Variants in DHX57 observed in about 807,000 individuals in gnomAD.
DHX57 encodes putative ATP-dependent RNA helicase DHX57.
In DHX57, 105 loss-of-function variants were observed where a neutral mutation model predicts 156.2. The observed-to-expected ratio is 0.67, with a 90% CI of 0.57 to 0.79. The LOEUF (loss-of-function observed/expected upper bound fraction) is 0.79. DHX57 is among the 30% of genes least tolerant of loss of function. The probability of loss-of-function intolerance (pLI) is 0.00; values close to 1 mark genes in which losing one functional copy is unlikely to be tolerated. For synonymous variants in DHX57, 704 were observed against 595.6 expected (o/e 1.18, Z -2.65); for missense variants, 1,847 against 1,661.9 (o/e 1.11, Z -1.94).
intron 1 of DHX57, among the ~76,000 whole-genome samples, chr2:38,869,401 T>G (rs1217847309): frequency 6.6e-6 from 1 of 152,336 alleles, no homozygotes; most frequent in Non-Finnish European, 1.5e-5. Flanking sequence ...GTTGGCCAAC[T>G]AGTTTGCAGG....
rs533445469 is a variant in DHX57, at chr2:38,820,588, ATCATT to A, written c.3292-1449_3292-1445del. Among the ~76,000 whole-genome samples, 6 of 152,248 alleles carry A rather than the reference ATCATT, an allele frequency of 3.9e-5. No individual in the cohort carries two copies. The South Asian group carries it at 1.2e-3, about 32-fold the overall frequency. ...GTCACCTCTTCTGGTCCTTGGTTTT[ATCATT>A]TCTTTTTTTCTTTTTTTAAAGAGTA... On this transcript the variant is annotated intron_variant, in intron 17 of 23. Coordinates refer to ENST00000457308, the MANE Select transcript of DHX57 (RefSeq NM_198963.3).
intron 4 of DHX57, 138 bp downstream of exon 4, chr2:38,862,007 A>C: frequency 8.1e-7 from 1 of 1,230,802 alleles, no homozygotes; most frequent in Non-Finnish European, 1.1e-6. Context: ...ACCCCTTCTG[A>C]TAAGATAGAA....
At chr2:38,848,125 G>T in intron 10 of DHX57, 144 bp downstream of exon 10, 1 of 892,350 alleles carries the variant, frequency 1.1e-6, no homozygotes, top group Non-Finnish European at 1.6e-6. Context: ...CTCCTTATCA[G>T]CTGCATTATA....
rs745433861 is a variant in DHX57 at position 38,806,662 on chromosome 2, GTCT to G, written c.3710_3712del (p.Lys1237del). 1.9e-6 allele frequency: 3 copies of G among 1,613,956 alleles called. No homozygotes were observed. The highest frequency in any genetic ancestry group is 1.1e-5 in the South Asian group (1 of 91,042). On this transcript the variant is annotated inframe_deletion, in exon 22 of 24. Transcript: ENST00000457308. Reference sequence around the variant, plus strand: ...TTGCATTCTGACAGCTCCAGTACTGGTCTTCTGAAATTTTCCTTCTGGGCTTTT... The same window carrying G: ...TTGCATTCTGACAGCTCCAGTACTGGTCTGAAATTTTCCTTCTGGGCTTTT...
At chr2:38,798,490 A>G (rs1530852) in intron 23 of DHX57, 48 bp from the exon 24 acceptor site, 961,882 of 1,554,700 alleles carry the variant, frequency 0.62, 302,077 homozygotes, top group East Asian at 0.82. Flanking sequence ...AACAGGCAGG[A>G]TAGGTTATTG....
Position 38,843,142 on chromosome 2 carries a change from G to C in DHX57, c.2288C>G (p.Ala763Gly). ...MKQISKEKLK[A>G]RRNRTAFEEV... is the part of the protein sequence containing the mutation. ...TTCAAATGCAGTTCTGTTCCGCCTTGCTTTAAGCTTTTCCTTTGAAATCTG... is the reference window on the plus strand; with the variant it reads ...TTCAAATGCAGTTCTGTTCCGCCTTCCTTTAAGCTTTTCCTTTGAAATCTG... The change falls in exon 12 of 24, where the codon GCA (alanine) becomes GGA (glycine). Residue 763 changes from alanine (A) to glycine (G), a missense_variant. Physicochemically the swap from Ala to Gly is moderately conservative, Grantham distance 60. Transcript: ENST00000457308. 6.2e-7 allele frequency: 1 copy of C among 1,614,142 alleles called. No homozygotes were observed. The highest frequency in any genetic ancestry group is 8.5e-7 in the Non-Finnish European group (1 of 1,180,024).
At chr2:38,864,739 A>G (rs1442608033) in intron 2 of DHX57, among the ~76,000 whole-genome samples, 1 of 152,028 alleles carries the variant, frequency 6.6e-6, no homozygotes, top group Non-Finnish European at 1.5e-5. Flanking sequence ...CTACTGACCC[A>G]TCTCTCCTCC....
rs147837070 is a variant in DHX57, at chr2:38,871,577, T to C, written c.-6-3166A>G. ...CAGAAGTTTATTTGTCTCATGGTAA[T>C]GGAGGCTGGGAAGTCCAAGAGCATG... On this transcript the variant is annotated intron_variant, in intron 1 of 23. Coordinates refer to ENST00000457308, the MANE Select transcript of DHX57 (RefSeq NM_198963.3). Among the ~76,000 whole-genome samples the C allele has an allele frequency of 9.0e-3, 1,366 of 152,292 alleles. 8 individuals are homozygous for C. Among genetic ancestry groups the C allele is most frequent in the Non-Finnish European group, 0.014 (958 of 68,010 alleles).
rs374541160 is a variant in DHX57, at chr2:38,855,218, G to A, written c.1744C>T (p.Leu582=). Residue 582 remains leucine, a synonymous_variant, in exon 8 of 24, where the codon CTG becomes TTG. Transcript: ENST00000457308. ...GGTGGTCCATTCAGAGAATCATCCA[G>A]AATAAACTGCGGAATTTGTGTGGTT... is the stretch of plus-strand genomic sequence containing the variant. ...GKTTQIPQFI[L]DDSLNGPPEK... 4.7e-5 allele frequency: 76 copies of A among 1,613,988 alleles called. No individual in the cohort carries two copies. The highest frequency in any genetic ancestry group is 2.2e-4 in the Admixed American group (13 of 59,988).
At chr2:38,858,861 T>G in intron 5 of DHX57, 25 bp from the exon 6 acceptor site, 3 of 1,598,722 alleles carry the variant, frequency 1.9e-6, no homozygotes, top group Non-Finnish European at 1.7e-6. Context: ...AAGAAAACAT[T>G]TCAGTATGGA....
chr2:38,872,555 A>G (rs1665403908), intron 1 of DHX57, among the ~76,000 whole-genome samples: 2 of 152,248 alleles, frequency 1.3e-5, no homozygotes, highest in East Asian at 3.8e-4. Context: ...TCTTGCAAAC[A>G]GCAACTACAA....
intron 5 of DHX57, among the ~76,000 whole-genome samples, chr2:38,859,677 T>C (rs1673086976): frequency 6.6e-6 from 1 of 152,140 alleles, no homozygotes; most frequent in Middle Eastern, 3.2e-3. Flanking sequence ...TGAGTGAATC[T>C]GGCTAAATGA....
chr2:38,862,017 A>C, intron 4 of DHX57, 128 bp downstream of exon 4: 38 of 1,249,760 alleles, frequency 3.0e-5, no homozygotes, highest in Non-Finnish European at 4.0e-5. Flanking sequence ...ATAAGATAGA[A>C]TATTAGGCCT....
intron 5 of DHX57, 140 bp from the exon 6 acceptor site, chr2:38,858,976 T>G (rs1673047864): frequency 1.3e-6 from 1 of 783,834 alleles, no homozygotes; most frequent in Non-Finnish European, 1.9e-6. Flanking sequence ...AGTTCATTCA[T>G]TTCTAGTATT....
intron 22 of DHX57, among the ~76,000 whole-genome samples, chr2:38,804,327 C>T (rs1669839703): frequency 6.6e-6 from 1 of 151,950 alleles, no homozygotes; most frequent in Non-Finnish European, 1.5e-5. Context: ...CCCGTCTCTA[C>T]AAAACTGCAA....
intron 1 of DHX57, among the ~76,000 whole-genome samples, chr2:38,872,204 T>G (rs1665389929): frequency 6.6e-6 from 1 of 152,320 alleles, no homozygotes; most frequent in African/African-American, 2.4e-5. Context: ...GGAATTAAGC[T>G]AATATAAATC....
intron 23 of DHX57, among the ~76,000 whole-genome samples, chr2:38,799,437 C>CAAA (rs772099726): frequency 1.7e-4 from 16 of 95,506 alleles, no homozygotes; most frequent in African/African-American, 3.5e-4. Flanking sequence ...CTTGTTGTCT[C>CAAA]AAAAAAAAAA....
intron 14 of DHX57, 124 bp from the exon 15 acceptor site, chr2:38,826,813 T>C: frequency 9.8e-7 from 1 of 1,021,666 alleles, no homozygotes; most frequent in Admixed American, 2.6e-5. Flanking sequence ...CCACAACCTG[T>C]CCTCAGAGCT....
intron 6 of DHX57, chr2:38,857,202 T>C (rs1672945557): frequency 6.5e-6 from 1 of 153,494 alleles, no homozygotes; most frequent in South Asian, 2.0e-4. Flanking sequence ...AATTAATTAA[T>C]ATAAACAGCC....
Sources: allele counts gnomAD v4.1 joint callset (sites outside exome capture counted in the v4.1 genomes callset), GRCh38; gene constraint gnomAD v4.1.1; transcripts MANE v1.5; gene names NCBI Gene and HGNC (gene_info 2026-07-23, HGNC 2026-07-21).